LRRFIP2: variants seen among roughly 807,000 people sequenced by gnomAD.
LRRFIP2 encodes LRR binding FLII interacting protein 2.
LRRFIP2 carries 109 observed loss-of-function variants against 125.9 expected under a neutral mutation model. That is an observed-to-expected ratio of 0.87 (90% CI 0.74 to 1.01). The LOEUF (loss-of-function observed/expected upper bound fraction) is 1.01, where lower values mean the gene tolerates loss of function less well. Among genes scored for constraint, LRRFIP2 ranks in the 50% least tolerant of loss-of-function variants. LRRFIP2 has a pLI of 0.00. For synonymous variants in LRRFIP2, 291 were observed against 293.1 expected, an observed-to-expected ratio of 0.99 and a Z score of 0.07; for missense variants, 850 against 862.3, an observed-to-expected ratio of 0.99 and a Z score of 0.18.
chr3:37,054,080 CACA>C, intron 27 of LRRFIP2, 119 bp from the exon 28 acceptor site: 1 of 689,078 alleles, frequency 1.5e-6, no homozygotes, highest in Admixed American at 2.3e-5. Context: ...GCACAGGACC[CACA>C]ACCTCATTTT....
chr3:37,057,344 TA>T (rs1303128097), intron 25 of LRRFIP2, among the ~76,000 whole-genome samples: 3 of 152,188 alleles, frequency 2.0e-5, no homozygotes, highest in East Asian at 3.8e-4. Flanking sequence ...ACCACTGTAG[TA>T]GCTTCCTAAC....
chr3:37,140,519 G>C (rs1326929608), intron 2 of LRRFIP2: 3 of 151,998 alleles, frequency 2.0e-5, no homozygotes, highest in Non-Finnish European at 2.9e-5. Flanking sequence ...GATGACTTGA[G>C]CTCAGGAGTT....
intron 9 of LRRFIP2, among the ~76,000 whole-genome samples, chr3:37,110,605 A>G (rs1385892086): frequency 6.6e-6 from 1 of 152,232 alleles, no homozygotes; most frequent in African/African-American, 2.4e-5. Context: ...GGATGCTTAC[A>G]ACTTATTTTG....
chr3:37,076,080 C>G (rs887482134), intron 19 of LRRFIP2, among the ~76,000 whole-genome samples: 6 of 151,900 alleles, frequency 3.9e-5, no homozygotes, highest in Non-Finnish European at 8.8e-5. Context: ...GAAAGAAAGC[C>G]AGGGAGTGAA....
At chr3:37,163,023 A>G (rs1427642190) in intron 1 of LRRFIP2, among the ~76,000 whole-genome samples, 1 of 152,188 alleles carries the variant, frequency 6.6e-6, no homozygotes, top group Non-Finnish European at 1.5e-5. Context: ...TCTCCCAATC[A>G]CATTTCTTCT....
intron 3 of LRRFIP2, 86 bp from the exon 4 acceptor site, chr3:37,127,766 C>A: frequency 9.5e-7 from 1 of 1,049,166 alleles, no homozygotes; most frequent in East Asian, 2.5e-5. Context: ...CACATTTTCC[C>A]TAAAAAACAA....
At chr3:37,174,360 GTT>G (rs904166641) in intron 1 of LRRFIP2, 177 bp downstream of exon 1, 12 of 152,160 alleles carry the variant, frequency 7.9e-5, no homozygotes, top group African/African-American at 2.7e-4. Flanking sequence ...GCTATTTCTA[GTT>G]TAAAGTGAAT....
In LRRFIP2 at chr3:37,148,911, T is replaced by C; in HGVS notation, c.73A>G (p.Ser25Gly). The change falls in exon 2 of 28, where the codon AGT becomes GGT. Residue 25 changes from serine (S) to glycine (G), a missense_variant. Coordinates refer to ENST00000336686, the MANE Select transcript of LRRFIP2 (RefSeq NM_006309.4). ...DRFSAEDEAL[S>G]NIAREAEARL... ...AAACATACCTCTCTGGCAATGTTAC[T>C]CAAAGCTTCATCTTCTGCAGAAAAT... The C allele has an allele frequency of 6.2e-7, 1 of 1,614,116 alleles. No homozygotes were observed. The highest frequency in any genetic ancestry group is 8.5e-7 in the Non-Finnish European group (1 of 1,179,988).
chr3:37,085,275 T>G lies in LRRFIP2; in HGVS notation c.1108-1469A>C, dbSNP rs1054634595. On this transcript the variant is annotated intron_variant, in intron 18 of 27. Coordinates refer to ENST00000336686, the MANE Select transcript of LRRFIP2 (RefSeq NM_006309.4). The stretch of plus-strand genomic sequence containing the variant: ...CTGTAATCCTGGTACTTTGGGAGGC[T>G]GAGGCAGGTGGATCACTTGAGGTCA... 7.2e-5 allele frequency among the ~76,000 whole-genome samples: 11 copies of G among 152,200 alleles called. No homozygotes were observed. In the East Asian group the frequency reaches 2.1e-3, roughly 29 times the overall value.
rs767900386 is a variant in LRRFIP2 at position 37,154,013 on chromosome 3, C to CAAAAAAAAA, written c.-55-4984_-55-4976dup. ...GCAACATGGTGAAATTCTGTCTTTA[C>CAAAAAAAAA]AAAAAAAAAAAATTATCCAGACATG... On this transcript the variant is annotated intron_variant, in intron 1 of 27. Coordinates refer to ENST00000336686, the MANE Select transcript of LRRFIP2 (RefSeq NM_006309.4). Among the ~76,000 whole-genome samples the CAAAAAAAAA allele has an allele frequency of 6.3e-5, 9 of 142,788 alleles. 1 individual carries two copies. Among genetic ancestry groups the CAAAAAAAAA allele is most frequent in the Non-Finnish European group, 1.2e-4 (8 of 65,794 alleles). The allele number at this position is 142,788 out of a possible 152,430, so 93.7% of individuals were successfully genotyped here.
intron 18 of LRRFIP2, among the ~76,000 whole-genome samples, chr3:37,087,083 G>A (rs2093104180): frequency 6.6e-6 from 1 of 151,740 alleles, no homozygotes; most frequent in Non-Finnish European, 1.5e-5. Flanking sequence ...CAAACTCCTG[G>A]GCTCAAGTGA....
chr3:37,090,229 T>TGTTTG (rs1288232341), intron 18 of LRRFIP2, among the ~76,000 whole-genome samples: 3 of 151,986 alleles, frequency 2.0e-5, no homozygotes, highest in Non-Finnish European at 4.4e-5. Context: ...TTTGTTTGTT[T>TGTTTG]GTTTGTTTGT....
At chr3:37,058,675 C>CAAAA in intron 25 of LRRFIP2, 115 bp downstream of exon 25, 7 of 906,700 alleles carry the variant, frequency 7.7e-6, no homozygotes, top group East Asian at 3.0e-5. Context: ...ACTCCCATCT[C>CAAAA]AAAAAAAAAA....
In LRRFIP2 at chr3:37,154,013, CA is replaced by C. The variant is rs767900386; in HGVS notation, c.-55-4976del. ...GCAACATGGTGAAATTCTGTCTTTA[CA>C]AAAAAAAAAAATTATCCAGACATGT... On this transcript the variant is annotated intron_variant, in intron 1 of 27. Coordinates refer to ENST00000336686, the MANE Select transcript of LRRFIP2 (RefSeq NM_006309.4). Among the ~76,000 whole-genome samples the C allele has an allele frequency of 3.3e-3, 478 of 142,716 alleles. 8 individuals are homozygous for C. The highest frequency in any genetic ancestry group is 0.011 in the African/African-American group (427 of 38,216). The allele number at this position is 142,716 out of a possible 152,430, so 93.6% of individuals were successfully genotyped here. A position where few individuals can be genotyped will look rare whatever the true frequency, so the allele number is the denominator to read the frequency against.
intron 12 of LRRFIP2, among the ~76,000 whole-genome samples, 171 bp from the exon 13 acceptor site, chr3:37,108,300 T>C (rs1212285057): frequency 2.6e-5 from 4 of 152,160 alleles, no homozygotes; most frequent in African/African-American, 9.7e-5. Context: ...CCACCAGCCC[T>C]TGGCTAGAGG....
intron 6 of LRRFIP2, among the ~76,000 whole-genome samples, chr3:37,115,889 T>C (rs1476669455): frequency 6.6e-6 from 1 of 152,200 alleles, no homozygotes; most frequent in Non-Finnish European, 1.5e-5. Context: ...TTCTTAAGCA[T>C]TCTAGTTTAT....
chr3:37,165,531 C>T (rs1194844939), intron 1 of LRRFIP2, among the ~76,000 whole-genome samples: 2 of 151,840 alleles, frequency 1.3e-5, no homozygotes, highest in African/African-American at 2.4e-5. Context: ...CCAAGGCAGG[C>T]GGATCACCTG....
At chr3:37,116,893 C>A (rs1386724600) in intron 6 of LRRFIP2, among the ~76,000 whole-genome samples, 2 of 152,026 alleles carry the variant, frequency 1.3e-5, no homozygotes, top group Non-Finnish European at 2.9e-5. Context: ...AGCAAAATAT[C>A]TGTACCGCAT....
chr3:37,147,783 T>C (rs1041447703), intron 2 of LRRFIP2, among the ~76,000 whole-genome samples: 2 of 152,266 alleles, frequency 1.3e-5, no homozygotes, highest in Admixed American at 1.3e-4. Context: ...AGTCTGCAGT[T>C]GCAGATAGAG....
Sources: allele counts gnomAD v4.1 joint callset (sites outside exome capture counted in the v4.1 genomes callset), GRCh38; gene constraint gnomAD v4.1.1; transcripts MANE v1.5; gene names NCBI Gene and HGNC (gene_info 2026-07-23, HGNC 2026-07-21).